Variants in UBE2R2 observed in about 807,000 individuals in gnomAD.
UBE2R2 encodes ubiquitin conjugating enzyme E2 R2, also known as ubiquitin-conjugating enzyme E2 R2.
A neutral mutation model predicts 27.8 loss-of-function variants in UBE2R2; 1 was observed. The observed-to-expected ratio is 0.04, with a 90% CI of 0.01 to 0.17. UBE2R2 has a LOEUF of 0.17. UBE2R2 is among the 10% of genes least tolerant of loss of function. UBE2R2 has a pLI of 1.00. For missense variants in UBE2R2, 100 were observed against 291.0 expected, an observed-to-expected ratio of 0.34 and a Z score of 4.78; for synonymous variants, 106 against 113.3, an observed-to-expected ratio of 0.94 and a Z score of 0.41.
chr9:33,912,234 A>C, intron 4 of UBE2R2, 136 bp downstream of exon 4: 1 of 813,790 alleles, frequency 1.2e-6, no homozygotes, highest in Non-Finnish European at 1.9e-6. Flanking sequence ...GTGGGAAGAG[A>C]AGATTTCTGC....
rs771514990 is a variant in UBE2R2, at chr9:33,920,255, A to G, written c.*3018A>G. The G allele has an allele frequency of 3.9e-5, 6 of 152,556 alleles. No individual in the cohort carries two copies. The highest frequency in any genetic ancestry group is 7.3e-5 in the Non-Finnish European group (5 of 68,034). 9.5% of individuals were successfully genotyped at this position (152,556 alleles called of 1,614,324 possible). On this transcript the variant is annotated 3_prime_UTR_variant, in exon 5 of 5. Coordinates refer to ENST00000263228, the MANE Select transcript of UBE2R2 (RefSeq NM_017811.4). ...TTAATAGTTTTAGCTGAAATTGTAG[A>G]TGTTTTGCTTCAGTTTAACTTATGA...
chr9:33,870,554 CGAGT>C (rs1398499682), intron 1 of UBE2R2, among the ~76,000 whole-genome samples: 3 of 151,988 alleles, frequency 2.0e-5, no homozygotes, highest in Non-Finnish European at 4.4e-5. Context: ...AGTATGAGAA[CGAGT>C]GAGTAGAAAA....
intron 1 of UBE2R2, among the ~76,000 whole-genome samples, chr9:33,827,553 A>G (rs938601053): frequency 2.0e-5 from 3 of 152,122 alleles, no homozygotes; most frequent in African/African-American, 4.8e-5. Flanking sequence ...AGGCAGGAGA[A>G]TTGTTTGAAT....
chr9:33,827,069 T>C (rs1820330587), intron 1 of UBE2R2, among the ~76,000 whole-genome samples: 1 of 152,208 alleles, frequency 6.6e-6, no homozygotes, highest in Non-Finnish European at 1.5e-5. Flanking sequence ...GCCACTGCGC[T>C]CCAGCCTGGG....
At chr9:33,860,989 C>T (rs1172597878) in intron 1 of UBE2R2, among the ~76,000 whole-genome samples, 1 of 146,212 alleles carries the variant, frequency 6.8e-6, no homozygotes. Flanking sequence ...GACGGAGTCT[C>T]GCTCTGTCCC....
chr9:33,859,415 T>C (rs747935986), intron 1 of UBE2R2, among the ~76,000 whole-genome samples: 39 of 152,210 alleles, frequency 2.6e-4, no homozygotes, highest in Non-Finnish European at 3.8e-4. Context: ...ACCTGCCTGA[T>C]AGTTTTAGAT....
chr9:33,856,893 T>C (rs1821117952), intron 1 of UBE2R2, among the ~76,000 whole-genome samples: 2 of 55,546 alleles, frequency 3.6e-5, no homozygotes, highest in African/African-American at 7.4e-5. Context: ...TTTCACTTTT[T>C]TTTTTTTTTT....
At chr9:33,896,713 C>A (rs575252933) in intron 2 of UBE2R2, among the ~76,000 whole-genome samples, 1 of 151,374 alleles carries the variant, frequency 6.6e-6, no homozygotes, top group Admixed American at 6.6e-5. Context: ...CTTCCAAAGT[C>A]CTGGGGTTAC....
intron 1 of UBE2R2, among the ~76,000 whole-genome samples, chr9:33,883,848 T>G (rs1476861808): frequency 6.6e-6 from 1 of 151,870 alleles, no homozygotes; most frequent in Non-Finnish European, 1.5e-5. Flanking sequence ...GTTTTTGTAC[T>G]TCTTAAATTT....
chr9:33,917,505 A>G lies in UBE2R2; in HGVS notation c.*268A>G. 1.8e-6 allele frequency: 1 copy of G among 549,844 alleles called. No homozygotes were observed. Among genetic ancestry groups the G allele is most frequent in the Non-Finnish European group, 3.2e-6 (1 of 317,236 alleles). 34.1% of individuals were successfully genotyped at this position (549,844 alleles called of 1,614,324 possible). On this transcript the variant is annotated 3_prime_UTR_variant, in exon 5 of 5. Coordinates refer to ENST00000263228, the MANE Select transcript of UBE2R2 (RefSeq NM_017811.4). ...TTGATTCTTTTTTTAAAAAATATGA[A>G]CCCAAACTCCCGCCTCACTTCGTCT...
chr9:33,878,252 G>A (rs989165280), intron 1 of UBE2R2, among the ~76,000 whole-genome samples: 5 of 152,128 alleles, frequency 3.3e-5, no homozygotes, highest in Admixed American at 2.6e-4. Context: ...CCAGGAGAAC[G>A]ATGGCTGTTT....
intron 1 of UBE2R2, among the ~76,000 whole-genome samples, chr9:33,871,638 G>A (rs1817662517): frequency 6.6e-6 from 1 of 152,162 alleles, no homozygotes; most frequent in East Asian, 1.9e-4. Flanking sequence ...GGAGTTGCCC[G>A]AAAAAGAGCC....
intron 1 of UBE2R2, among the ~76,000 whole-genome samples, chr9:33,835,267 C>G (rs1361012140): frequency 1.3e-5 from 2 of 151,280 alleles, no homozygotes; most frequent in Admixed American, 1.3e-4. Context: ...TTGTCTCAGC[C>G]TCCCGAGTAG....
chr9:33,879,601 G>A (rs1273202220), intron 1 of UBE2R2, among the ~76,000 whole-genome samples: 2 of 151,794 alleles, frequency 1.3e-5, no homozygotes, highest in Non-Finnish European at 2.9e-5. Context: ...TTACAGGCAC[G>A]TCCACCATGC....
intron 1 of UBE2R2, among the ~76,000 whole-genome samples, chr9:33,854,318 G>T (rs954297133): frequency 3.3e-5 from 5 of 151,300 alleles, no homozygotes; most frequent in African/African-American, 4.9e-5. Context: ...TCTAATTGTT[G>T]AGAATTTTTT....
At chr9:33,855,391 T>A (rs537130905) in intron 1 of UBE2R2, among the ~76,000 whole-genome samples, 3 of 152,326 alleles carry the variant, frequency 2.0e-5, no homozygotes, top group Admixed American at 2.0e-4. Context: ...AATGGTATAT[T>A]TTATCTGGTT....
At chr9:33,891,058 T>TTTTTTTTTTTTGTTG (rs1821973512) in intron 2 of UBE2R2, among the ~76,000 whole-genome samples, 1 of 148,194 alleles carries the variant, frequency 6.7e-6, no homozygotes, top group South Asian at 2.2e-4. Context: ...TTTTTTTGTT[T>TTTTTTTTTTTTGTTG]TTTTTTTTTG....
chr9:33,822,096 A>ATT (rs57690053), intron 1 of UBE2R2, among the ~76,000 whole-genome samples: 5,922 of 145,036 alleles, frequency 0.041, 331 homozygotes, highest in African/African-American at 0.12. Context: ...ATATATATAT[A>ATT]TTTTTTTTTT....
At chr9:33,872,010 C>T (rs1821495314) in intron 1 of UBE2R2, among the ~76,000 whole-genome samples, 1 of 152,060 alleles carries the variant, frequency 6.6e-6, no homozygotes, top group Admixed American at 6.6e-5. Flanking sequence ...CTGCACCCGG[C>T]CTATTTCCTG....
Sources: gnomAD v4.1 joint callset for allele counts (sites outside exome capture counted in the v4.1 genomes callset) on GRCh38, gnomAD v4.1.1 for gene constraint, MANE v1.5 for transcripts, NCBI Gene and HGNC (gene_info 2026-07-23, HGNC 2026-07-21) for gene names.